ARHGAP26: variants seen among roughly 807,000 people sequenced by gnomAD.
ARHGAP26 encodes Rho GTPase activating protein 26, also known as rho GTPase-activating protein 26.
Under a neutral mutation model 104.8 loss-of-function variants are expected in ARHGAP26, and 38 were observed. That is an observed-to-expected ratio of 0.36 (90% CI 0.28 to 0.48). ARHGAP26 has a LOEUF of 0.48. Ranked by LOEUF, ARHGAP26 falls within the 20% of genes least tolerant of loss-of-function variation. The probability of loss-of-function intolerance (pLI) is 0.99; values close to 1 mark genes in which losing one functional copy is unlikely to be tolerated. For missense variants in ARHGAP26, 704 were observed against 947.9 expected (o/e 0.74, Z 3.38); for synonymous variants, 341 against 340.0 (o/e 1.00, Z -0.03).
At chr5:142,995,104 G>T (rs1776200028) in intron 11 of ARHGAP26, among the ~76,000 whole-genome samples, 1 of 152,072 alleles carries the variant, frequency 6.6e-6, no homozygotes, top group African/African-American at 2.4e-5. Flanking sequence ...CATAGGCATG[G>T]GCAAAGACTT....
chr5:143,039,686 C>T (rs1399585075), intron 13 of ARHGAP26, among the ~76,000 whole-genome samples: 1 of 152,032 alleles, frequency 6.6e-6, no homozygotes, highest in African/African-American at 2.4e-5. Flanking sequence ...CTATTCGTCT[C>T]TCAGTCTTCA....
chr5:143,121,063 G>A lies in ARHGAP26; in HGVS notation c.1614G>A (p.Arg538=). The change falls in exon 18 of 23, where the codon AGG becomes AGA. Residue 538 remains arginine (R), a synonymous_variant. Transcript: ENST00000645722. Reference sequence around the variant, plus strand: ...TGGTGTTTGGACCCACTCTGCTGAGGCCTCAGGAAGAAACAGTAGCAGCCA... The same window carrying A: ...TGGTGTTTGGACCCACTCTGCTGAGACCTCAGGAAGAAACAGTAGCAGCCA... ...LGVVFGPTLL[R]PQEETVAAIM... is the part of the protein sequence containing the mutation. 6.2e-7 allele frequency: 1 copy of A among 1,613,814 alleles called. No homozygotes were observed. The highest frequency in any genetic ancestry group is 8.5e-7 in the Non-Finnish European group (1 of 1,179,780).
chr5:143,082,269 A>G (rs2150450649), intron 17 of ARHGAP26, among the ~76,000 whole-genome samples: 1 of 152,204 alleles, frequency 6.6e-6, no homozygotes, highest in South Asian at 2.1e-4. Flanking sequence ...GTTAGGAAAA[A>G]TTCTTCTAGG....
chr5:142,979,737 A>G (rs1034810062), intron 11 of ARHGAP26, among the ~76,000 whole-genome samples: 3 of 152,224 alleles, frequency 2.0e-5, no homozygotes, highest in African/African-American at 7.2e-5. Context: ...GAATTAAGGG[A>G]AAGTGTCTCA....
Position 142,901,967 on chromosome 5 carries a change from C to G in ARHGAP26, c.630C>G (p.Phe210Leu). 6.2e-7 allele frequency: 1 copy of G among 1,614,054 alleles called. No individual in the cohort carries two copies. Among genetic ancestry groups the G allele is most frequent in the Non-Finnish European group, 8.5e-7 (1 of 1,179,930 alleles). The change falls in exon 7 of 23, where the codon TTC becomes TTG. Residue 210 changes from phenylalanine (F) to leucine (L), a missense_variant. By Grantham distance (22) the Phe-to-Leu change is conservative (BLOSUM62 0). This residue lies in a region of ARHGAP26 where 16 missense variants were observed against 46.4 expected (regional missense o/e 0.34). Coordinates refer to ENST00000645722, the MANE Select transcript of ARHGAP26 (RefSeq NM_001135608.3). ...CCTTCCTGCAAGGACTCTTCACTTT[C>G]TATCACCATGGTTACGAACTGGCCA... ...LLAFLQGLFT[F>L]YHHGYELAKD...
chr5:142,811,642 G>A (rs927752170), intron 1 of ARHGAP26, among the ~76,000 whole-genome samples: 5 of 151,914 alleles, frequency 3.3e-5, no homozygotes, highest in Admixed American at 6.6e-5. Context: ...CCTTATTTTA[G>A]TCTCTTAAAT....
intron 1 of ARHGAP26, among the ~76,000 whole-genome samples, chr5:142,812,335 C>T (rs986695532): frequency 3.1e-4 from 47 of 152,018 alleles, no homozygotes; most frequent in African/African-American, 1.1e-3. Flanking sequence ...CTCACTGCAT[C>T]CTTAAACTTC....
At chr5:142,992,733 A>AT (rs976860379) in intron 11 of ARHGAP26, among the ~76,000 whole-genome samples, 1 of 152,064 alleles carries the variant, frequency 6.6e-6, no homozygotes, top group Admixed American at 6.6e-5. Flanking sequence ...GCCAGTAGTG[A>AT]TTTTTTAAAG....
At chr5:143,187,016 CTAATTA>C (rs1805251440) in intron 20 of ARHGAP26, among the ~76,000 whole-genome samples, 1 of 152,178 alleles carries the variant, frequency 6.6e-6, no homozygotes, top group African/African-American at 2.4e-5. Flanking sequence ...CAAGCATATT[CTAATTA>C]TAACAGCTAC....
intron 17 of ARHGAP26, among the ~76,000 whole-genome samples, chr5:143,088,903 G>A (rs1236284133): frequency 6.6e-6 from 1 of 152,124 alleles, no homozygotes; most frequent in African/African-American, 2.4e-5. Context: ...GCAGATAATC[G>A]GAATGAGTCA....
intron 1 of ARHGAP26, among the ~76,000 whole-genome samples, chr5:142,818,327 A>G (rs543731363): frequency 6.6e-6 from 1 of 152,160 alleles, no homozygotes; most frequent in Admixed American, 6.5e-5. Flanking sequence ...CAGGTGGCAC[A>G]GCCTCTCCCC....
At chr5:142,784,084 G>A (rs1758056407) in intron 1 of ARHGAP26, among the ~76,000 whole-genome samples, 1 of 152,186 alleles carries the variant, frequency 6.6e-6, no homozygotes, top group South Asian at 2.1e-4. Flanking sequence ...CAATCTGCCG[G>A]CCTTCTGACC....
intron 12 of ARHGAP26, among the ~76,000 whole-genome samples, chr5:143,026,596 A>G (rs1781093580): frequency 6.6e-6 from 1 of 152,100 alleles, no homozygotes; most frequent in Admixed American, 6.5e-5. Context: ...TATCAGGAAG[A>G]ACAGTGGTGC....
chr5:142,808,236 GAAAAAAAAAAAAAAAAAAAAAA>G (rs58550799), intron 1 of ARHGAP26, among the ~76,000 whole-genome samples: 1,368 of 32,716 alleles, frequency 0.042, 54 homozygotes, highest in African/African-American at 0.11. Context: ...CATTGTCTCG[GAAAAAAAAAAAAAAAAAAAAAA>G]AAAAAAAAAA....
chr5:143,042,070 G>T (rs1783550749), intron 14 of ARHGAP26, among the ~76,000 whole-genome samples, 180 bp downstream of exon 14: 1 of 152,160 alleles, frequency 6.6e-6, no homozygotes, highest in African/African-American at 2.4e-5. Flanking sequence ...GCTGGGAAAG[G>T]TTCTGAGTAG....
At chr5:142,929,023 C>T (rs767165853) in intron 10 of ARHGAP26, among the ~76,000 whole-genome samples, 1 of 152,142 alleles carries the variant, frequency 6.6e-6, no homozygotes, top group Non-Finnish European at 1.5e-5. Flanking sequence ...CTGCAGCCTC[C>T]GCCTCCAGGG....
At position 143,092,659 on chromosome 5, in the gene ARHGAP26, C is replaced by T. The variant is rs147807718; in HGVS notation, c.1539-28329C>T. Among the ~76,000 whole-genome samples the T allele has an allele frequency of 3.6e-3, 542 of 151,552 alleles. 23 individuals carry two copies. The East Asian group carries it at 0.076, about 21-fold the overall frequency. ...CACAAGATTAGAAGTTAGGATAATA[C>T]ATGTTACACTGTTAACTTTTAGCAA... On this transcript the variant is annotated intron_variant, in intron 17 of 22. Transcript: ENST00000645722.
chr5:142,793,067 A>G (rs1438175018), intron 1 of ARHGAP26, among the ~76,000 whole-genome samples: 3 of 152,030 alleles, frequency 2.0e-5, no homozygotes, highest in African/African-American at 7.2e-5. Flanking sequence ...AGCTTTGTAG[A>G]ACAGCATGAA....
Position 143,038,667 on chromosome 5 carries a change from A to G in ARHGAP26, c.1210+1406A>G, listed in dbSNP as rs1438733881. 2.4e-5 allele frequency among the ~76,000 whole-genome samples: 3 copies of G among 126,830 alleles called. No individual in the cohort carries two copies. In the Admixed American group the frequency reaches 2.5e-4, roughly 11 times the overall value. The allele number at this position is 126,830 out of a possible 152,430, so 83.2% of individuals were successfully genotyped here. On this transcript the variant is annotated intron_variant, in intron 13 of 22. Coordinates refer to ENST00000645722, the MANE Select transcript of ARHGAP26 (RefSeq NM_001135608.3). ...ATCACTGACAATGCAATGGAAATAC[A>G]TTTTTTGACATACGGCCTTTTTTTT... is the stretch of plus-strand genomic sequence containing the variant.
Sources: allele counts gnomAD v4.1 joint callset (sites outside exome capture counted in the v4.1 genomes callset), GRCh38; gene constraint gnomAD v4.1.1; regional missense constraint gnomAD v4.1.1; transcripts MANE v1.5; gene names NCBI Gene and HGNC (gene_info 2026-07-23, HGNC 2026-07-21).